Variants in APTX observed in about 807,000 individuals in gnomAD.
APTX encodes aprataxin, also known as forkhead-associated domain histidine triad-like protein.
Under a neutral mutation model 42.3 loss-of-function variants are expected in APTX, and 33 were observed. The ratio of observed to expected loss-of-function variants is 0.78; its 90% CI spans 0.59 to 1.04. The LOEUF is 1.04. Among genes scored for constraint, APTX ranks in the 50% least tolerant of loss-of-function variants. APTX has a pLI of 0.00. For synonymous variants in APTX, 130 were observed against 146.7 expected, an observed-to-expected ratio of 0.89 and a Z score of 0.82; for missense variants, 421 against 415.1, an observed-to-expected ratio of 1.01 and a Z score of -0.12.
At chr9:32,989,499 G>C in intron 2 of APTX, 1 of 605,280 alleles carries the variant, frequency 1.7e-6, no homozygotes, top group Non-Finnish European at 3.1e-6. Flanking sequence ...AGGAGGGCAG[G>C]ACTCAATTCC....
At position 32,989,819 on chromosome 9, in the gene APTX, C is replaced by A. The variant is rs139213149; in HGVS notation, c.73G>T (p.Val25Phe). 6.2e-7 allele frequency: 1 copy of A among 1,614,272 alleles called. No individual in the cohort carries two copies. The highest frequency in any genetic ancestry group is 8.5e-7 in the Non-Finnish European group (1 of 1,180,050). ...GTCTCTGGGCCACGCCCAATCACAA[C>A]TGCTTCCAAATGTGGAAGTCTGATT... ...QRIRLPHLEA[V>F]VIGRGPETKI... The change falls in exon 2 of 8, where the codon GTT becomes TTT. Residue 25 changes from valine (V) to phenylalanine (F), a missense_variant. Val to Phe is a conservative substitution (Grantham distance 50). Transcript: ENST00000379817.
In APTX at chr9:32,986,022, C is replaced by T. The variant is rs1303491074; in HGVS notation, c.492G>A (p.Leu164=). ...TCTTCAAGCCTTGACTCCAGTGGCC[C>T]AGGGATTCCTAAAAAAAAAACAAAA... is the stretch of plus-strand genomic sequence containing the variant. ...GKDAPIKKES[L]GHWSQGLKIS... Residue 164 remains leucine (L), a synonymous_variant, in exon 5 of 8, where the codon CTG becomes CTA. Coordinates refer to ENST00000379817, the MANE Select transcript of APTX (RefSeq NM_001195248.2). 1 of 1,467,356 alleles carries T rather than the reference C, an allele frequency of 6.8e-7. No homozygotes were observed. Among genetic ancestry groups the T allele is most frequent in the Admixed American group, 2.0e-5 (1 of 50,906 alleles). The allele number at this position is 1,467,356 out of a possible 1,614,324, so 90.9% of individuals were successfully genotyped here.
At chr9:32,990,779 A>G (rs1403004565) in intron 1 of APTX, among the ~76,000 whole-genome samples, 2 of 152,194 alleles carry the variant, frequency 1.3e-5, no homozygotes, top group African/African-American at 2.4e-5. Flanking sequence ...AGAACTAAGG[A>G]CATAAAAAAG....
intron 7 of APTX, 129 bp downstream of exon 7, chr9:32,974,329 G>A (rs979334809): frequency 1.6e-5 from 11 of 688,150 alleles, no homozygotes; most frequent in South Asian, 6.4e-5. Context: ...CACAGGGCTC[G>A]CTTTATAGGG....
At chr9:32,976,735 C>G (rs895308767) in intron 6 of APTX, among the ~76,000 whole-genome samples, 1 of 152,194 alleles carries the variant, frequency 6.6e-6, no homozygotes, top group African/African-American at 2.4e-5. Context: ...AACGAAAATA[C>G]TCTACAAACA....
chr9:33,004,045 A>G (rs979304971), upstream of APTX, among the ~76,000 whole-genome samples: 6 of 152,270 alleles, frequency 3.9e-5, no homozygotes, highest in African/African-American at 1.4e-4. Flanking sequence ...TGATGAATGC[A>G]TAAAGAAAAT....
chr9:33,013,998 T>G (rs1229505743), intron 1 of APTX, among the ~76,000 whole-genome samples: 2 of 152,150 alleles, frequency 1.3e-5, no homozygotes, highest in Non-Finnish European at 2.9e-5. Flanking sequence ...TCAACCCAAC[T>G]GCAATATCCC....
chr9:33,022,813 G>C (rs1303295304), intron 1 of APTX, among the ~76,000 whole-genome samples: 2 of 152,196 alleles, frequency 1.3e-5, no homozygotes, highest in South Asian at 2.1e-4. Context: ...TTTATTTTAC[G>C]TAAGAATGCT....
chr9:33,003,221 A>G (rs1836838756), upstream of APTX, among the ~76,000 whole-genome samples: 2 of 152,206 alleles, frequency 1.3e-5, no homozygotes, highest in African/African-American at 4.8e-5. Flanking sequence ...AATTGGGCAG[A>G]GTTTCCACGT....
intron 1 of APTX, among the ~76,000 whole-genome samples, chr9:33,000,704 G>A (rs1395710155): frequency 6.6e-6 from 1 of 150,422 alleles, no homozygotes; most frequent in Non-Finnish European, 1.5e-5. Context: ...AGAAGAACGA[G>A]CACAAATCTG....
In APTX at chr9:32,984,743, G is replaced by A. The variant is rs1217198677; in HGVS notation, c.658C>T (p.His220Tyr). 2 of 1,614,084 alleles carry A rather than the reference G, an allele frequency of 1.2e-6. No homozygotes were observed. Among genetic ancestry groups the A allele is most frequent in the Non-Finnish European group, 1.7e-6 (2 of 1,180,034 alleles). The change falls in exon 6 of 8, where the codon CAC (histidine) becomes TAC (tyrosine). Residue 220 changes from histidine to tyrosine, a missense_variant. His to Tyr is a moderately conservative substitution (Grantham distance 83, BLOSUM62 2). Transcript: ENST00000379817. ...ISSLKAVARE[H>Y]LELLKHMHTV... is the part of the protein sequence containing the mutation. ...TGCATATGCTTAAGGAGTTCAAGGT[G>A]TTCCCTGGCCACAGCCTTCAGACTG...
At position 32,995,489 on chromosome 9, in the gene APTX, G is replaced by C. The variant is rs147974640; in HGVS notation, c.-4-5594C>G. Among the ~76,000 whole-genome samples the C allele has an allele frequency of 3.0e-4, 45 of 152,334 alleles. No individual in the cohort carries two copies. In the East Asian group the frequency reaches 7.3e-3, roughly 25 times the overall value. On this transcript the variant is annotated intron_variant, in intron 1 of 7. Coordinates refer to ENST00000379817, the MANE Select transcript of APTX (RefSeq NM_001195248.2). Reference sequence around the variant, plus strand: ...TGTGACTGAAATGCTGCAATCTCATGATCATACTTTAATGGATGAGGAGTT... The same window carrying C: ...TGTGACTGAAATGCTGCAATCTCATCATCATACTTTAATGGATGAGGAGTT...
At chr9:33,014,077 C>A (rs1051201376) in intron 1 of APTX, among the ~76,000 whole-genome samples, 1 of 152,200 alleles carries the variant, frequency 6.6e-6, no homozygotes, top group African/African-American at 2.4e-5. Context: ...AATGCTGATA[C>A]CACTGTGGCT....
rs766841162 is a variant in APTX, at chr9:32,973,324, C to G, written c.*174G>C. On this transcript the variant is annotated 3_prime_UTR_variant, in exon 8 of 8. Transcript: ENST00000379817. Reference sequence around the variant, plus strand: ...TCTATGACAAACCCAAATTCCTAATCCTGAAGTACTTTGAGCCACTCTACA... The same window carrying G: ...TCTATGACAAACCCAAATTCCTAATGCTGAAGTACTTTGAGCCACTCTACA... 1 of 789,400 alleles carries G rather than the reference C, an allele frequency of 1.3e-6. No homozygotes were observed. The highest frequency in any genetic ancestry group is 2.0e-5 in the Admixed American group (1 of 49,836). 48.9% of individuals were successfully genotyped at this position (789,400 alleles called of 1,614,324 possible). A position where few individuals can be genotyped will look rare whatever the true frequency, so the allele number is the denominator to read the frequency against.
In APTX at chr9:33,001,429, G is replaced by C. The variant is rs548266103; in HGVS notation, c.-5+138C>G. ...CAAGGTAGTAACAGGGGAGGACGGAGAAAGCAGCCGTGAGAGCAGCGCATG... is the reference window on the plus strand; with the variant it reads ...CAAGGTAGTAACAGGGGAGGACGGACAAAGCAGCCGTGAGAGCAGCGCATG... On this transcript the variant is annotated intron_variant, in intron 1 of 7. Transcript: ENST00000379817. 49 of 1,547,120 alleles carry C rather than the reference G, an allele frequency of 3.2e-5. No individual in the cohort carries two copies. In the East Asian group the frequency reaches 1.2e-3, roughly 37 times the overall value.
At chr9:33,006,216 TTCAAGA>T (rs1488615185), upstream of APTX, among the ~76,000 whole-genome samples, 6 of 151,444 alleles carry the variant, frequency 4.0e-5, no homozygotes, top group Non-Finnish European at 7.4e-5. Flanking sequence ...AGGCCAGGAG[TTCAAGA>T]TCAGCCCAGC....
intron 1 of APTX, chr9:33,024,672 T>A (rs192113040): frequency 6.6e-6 from 1 of 152,006 alleles, no homozygotes; most frequent in Non-Finnish European, 1.5e-5. Flanking sequence ...GCAGATAACA[T>A]GTGTCTAGGG....
At chr9:32,993,614 A>G (rs1267911172) in intron 1 of APTX, among the ~76,000 whole-genome samples, 2 of 151,202 alleles carry the variant, frequency 1.3e-5, no homozygotes, top group African/African-American at 4.9e-5. Context: ...CCTTCCTTCT[A>G]TGGCTCTTCT....
At chr9:33,010,343 T>C (rs1837453219) in intron 1 of APTX, among the ~76,000 whole-genome samples, 1 of 152,144 alleles carries the variant, frequency 6.6e-6, no homozygotes, top group African/African-American at 2.4e-5. Flanking sequence ...GGCTGGCGCA[T>C]TCATTCATTC....
Sources: gnomAD v4.1 joint callset for allele counts (sites outside exome capture counted in the v4.1 genomes callset) on GRCh38, gnomAD v4.1.1 for gene constraint, MANE v1.5 for transcripts, NCBI Gene and HGNC (gene_info 2026-07-23, HGNC 2026-07-21) for gene names.